Variants in GLT1D1 observed in about 807,000 individuals in gnomAD.
GLT1D1 encodes glycosyltransferase 1 domain-containing protein 1.
Under a neutral mutation model 28.7 loss-of-function variants are expected in GLT1D1, and 21 were observed. The ratio of observed to expected loss-of-function variants is 0.73; its 90% CI spans 0.52 to 1.05. The LOEUF (loss-of-function observed/expected upper bound fraction) is 1.05. Ranked by LOEUF, GLT1D1 falls within the 50% of genes least tolerant of loss-of-function variation. The pLI, the probability that GLT1D1 is intolerant of heterozygous loss-of-function variation, is 0.00. For synonymous variants in GLT1D1, 147 were observed against 124.8 expected (o/e 1.18, Z -1.19); for missense variants, 343 against 330.6 (o/e 1.04, Z -0.29).
intron 3 of GLT1D1, among the ~76,000 whole-genome samples, chr12:128,897,761 C>T (rs564903037): frequency 1.2e-4 from 18 of 152,234 alleles, no homozygotes; most frequent in East Asian, 1.9e-4. Flanking sequence ...CTCCGCCTCC[C>T]GGGTTCACAC....
At chr12:128,871,355 A>T (rs1406954152) in intron 1 of GLT1D1, among the ~76,000 whole-genome samples, 1 of 152,116 alleles carries the variant, frequency 6.6e-6, no homozygotes, top group Non-Finnish European at 1.5e-5. Context: ...TTTCCAAAGG[A>T]TACTAGGTTT....
At chr12:128,905,829 T>G (rs1379126576) in intron 4 of GLT1D1, among the ~76,000 whole-genome samples, 1 of 59,600 alleles carries the variant, frequency 1.7e-5, no homozygotes, top group African/African-American at 3.8e-5. Context: ...CTTTTAAGTG[T>G]TTTTTTTTTT....
intron 4 of GLT1D1, 165 bp from the exon 9 acceptor site, chr12:128,945,161 G>A (rs1420874984): frequency 4.6e-5 from 35 of 767,944 alleles, no homozygotes; most frequent in Admixed American, 8.0e-5. Context: ...CCCGAGCCGG[G>A]GGCCCCCATG....
intron 7 of GLT1D1, among the ~76,000 whole-genome samples, chr12:128,965,710 T>TAAAAAAA (rs757636287): frequency 3.8e-5 from 4 of 104,722 alleles, no homozygotes; most frequent in Non-Finnish European, 3.7e-5. Context: ...TGTCTCTGCT[T>TAAAAAAA]AAAAAAAAAA....
At chr12:128,894,647 C>G (rs1003937929) in intron 3 of GLT1D1, among the ~76,000 whole-genome samples, 3 of 151,750 alleles carry the variant, frequency 2.0e-5, no homozygotes, top group African/African-American at 7.3e-5. Flanking sequence ...AGTTCGAGAC[C>G]AGCCTGGCCA....
chr12:128,957,642 A>C lies in GLT1D1; in HGVS notation c.638A>C (p.Gln213Pro), dbSNP rs1437845662. 6.2e-7 allele frequency: 1 copy of C among 1,602,202 alleles called. No individual in the cohort carries two copies. Among genetic ancestry groups the C allele is most frequent in the South Asian group, 1.1e-5 (1 of 90,802 alleles). ...ACAGGGCTACTGTTTTCCAATCCTC[A>C]GGTAAAGAAAAGTTCTTTCCCTCCA... The change falls in exon 7 of 8, where the codon CAG (glutamine) becomes CCG (proline). Residue 213 changes from glutamine (Q) to proline (P), a missense_variant and splice_region_variant. Transcript: ENST00000281703.
intron 1 of GLT1D1, among the ~76,000 whole-genome samples, chr12:128,865,289 T>C (rs1478971194): frequency 6.6e-6 from 1 of 152,240 alleles, no homozygotes; most frequent in South Asian, 2.1e-4. Context: ...ATGTTATTTT[T>C]TGTTTATTTG....
chr12:128,864,624 G>A (rs1375125578), intron 1 of GLT1D1, among the ~76,000 whole-genome samples: 1 of 152,198 alleles, frequency 6.6e-6, no homozygotes, highest in East Asian at 1.9e-4. Flanking sequence ...CGATGAGCAG[G>A]GGAGGAGAGA....
chr12:128,945,426 G>C, intron 5 of GLT1D1, 57 bp downstream of exon 9: 1 of 1,365,158 alleles, frequency 7.3e-7, no homozygotes. Flanking sequence ...GTGGCCCCTG[G>C]GTTACCTGAA....
rs1248235717 is a variant in GLT1D1, at chr12:128,971,447, T to TCTCTCCCTCCATCCCTCC, written c.640-11477_640-11460dup. Among the ~76,000 whole-genome samples the TCTCTCCCTCCATCCCTCC allele has an allele frequency of 1.3e-3, 117 of 93,324 alleles. 1 individual carries two copies. The South Asian group carries it at 0.018, about 15-fold the overall frequency. 61.2% of individuals were successfully genotyped at this position (93,324 alleles called of 152,430 possible). A position where few individuals can be genotyped will look rare whatever the true frequency, so the allele number is the denominator to read the frequency against. ...CTTCCTCTCCTCCTCCCTCCCTTCC[T>TCTCTCCCTCCATCCCTCC]CTCTCCCTCCATCCCTCCCTCTGCC... On this transcript the variant is annotated intron_variant, in intron 7 of 7. Coordinates refer to ENST00000281703, the MANE Select transcript of GLT1D1 (RefSeq NM_144669.3).
chr12:128,893,145 T>C (rs546895414), intron 3 of GLT1D1, among the ~76,000 whole-genome samples: 13 of 152,244 alleles, frequency 8.5e-5, no homozygotes, highest in African/African-American at 3.1e-4. Flanking sequence ...CTCAGGAGGC[T>C]GAGGCAAGAG....
chr12:128,879,379 T>TCC (rs1566096234), intron 2 of GLT1D1, among the ~76,000 whole-genome samples: 55 of 19,792 alleles, frequency 2.8e-3, no homozygotes, highest in Non-Finnish European at 3.4e-3. Context: ...TTTTTTTCTT[T>TCC]TTCTTTCTTT....
chr12:128,887,911 G>A (rs1455945613), intron 2 of GLT1D1, among the ~76,000 whole-genome samples: 1 of 152,032 alleles, frequency 6.6e-6, no homozygotes, highest in Non-Finnish European at 1.5e-5. Flanking sequence ...TCGGGGAGTC[G>A]CTTTTGATAA....
At chr12:128,914,629 G>A (rs1425325093) in intron 4 of GLT1D1, among the ~76,000 whole-genome samples, 5 of 152,048 alleles carry the variant, frequency 3.3e-5, no homozygotes, top group African/African-American at 9.7e-5. Flanking sequence ...AGACCAGCCT[G>A]GCCAACATGG....
At chr12:128,917,796 G>C (rs11608991) in intron 4 of GLT1D1, among the ~76,000 whole-genome samples, 24,671 of 152,116 alleles carry the variant, frequency 0.16, 2,155 homozygotes, top group African/African-American at 0.19. Flanking sequence ...CAGTCAGAAT[G>C]GCGATTATTA....
intron 4 of GLT1D1, among the ~76,000 whole-genome samples, chr12:128,939,800 C>T (rs922856421): frequency 2.7e-5 from 4 of 149,330 alleles, no homozygotes; most frequent in Non-Finnish European, 4.4e-5. Flanking sequence ...AACTCCATCG[C>T]GAGACAACAC....
intron 7 of GLT1D1, among the ~76,000 whole-genome samples, chr12:128,960,899 A>G (rs187377741): frequency 6.6e-6 from 1 of 152,358 alleles, no homozygotes; most frequent in Admixed American, 6.5e-5. Context: ...ATGCTATTCA[A>G]ATCAATGCTA....
chr12:128,883,281 C>T (rs1012994196), intron 2 of GLT1D1, among the ~76,000 whole-genome samples: 2 of 150,818 alleles, frequency 1.3e-5, no homozygotes, highest in Non-Finnish European at 3.0e-5. Context: ...CAGATAAGGT[C>T]GGGTGGCTGA....
At chr12:128,870,472 CT>C (rs954628098) in intron 1 of GLT1D1, among the ~76,000 whole-genome samples, 3 of 151,990 alleles carry the variant, frequency 2.0e-5, no homozygotes, top group African/African-American at 7.3e-5. Context: ...TCAAGAAAGC[CT>C]TTTTAAATCA....
Sources: allele counts gnomAD v4.1 joint callset (sites outside exome capture counted in the v4.1 genomes callset), GRCh38; gene constraint gnomAD v4.1.1; transcripts MANE v1.5; gene names NCBI Gene and HGNC (gene_info 2026-07-23, HGNC 2026-07-21).